Variants in PLAAT1 observed in about 807,000 individuals in gnomAD.
PLAAT1 encodes the protein H-REV107 protein-related protein.
Under a neutral mutation model 16.4 loss-of-function variants are expected in PLAAT1, and 13 were observed. The observed-to-expected ratio is 0.79, with a 90% CI of 0.52 to 1.26. The LOEUF is 1.26. PLAAT1 is among the 50% of genes most tolerant of loss of function. The pLI, the probability that PLAAT1 is intolerant of heterozygous loss-of-function variation, is 0.00. For synonymous variants in PLAAT1, 73 were observed against 78.4 expected (o/e 0.93, Z 0.36); for missense variants, 218 against 207.8 (o/e 1.05, Z -0.30).
At chr3:193,272,550 C>G (rs73888232), downstream of PLAAT1, among the ~76,000 whole-genome samples, 9,368 of 152,200 alleles carry the variant, frequency 0.062, 332 homozygotes, top group Middle Eastern at 0.12. Context: ...GTACCCTTTT[C>G]AGTAAAGGAT....
Position 193,241,254 on chromosome 3 carries a change from G to T in PLAAT1, c.-280G>T. On this transcript the variant is annotated 5_prime_UTR_variant, in exon 1 of 4. Coordinates refer to ENST00000264735, the MANE Select transcript of PLAAT1 (RefSeq NM_020386.5). ...CCTCGTGCCGGCTCGGCAGCGCCCG[G>T]ACGCCGAGCCCAGCGCGTCGGCCCC... 1 of 1,227,726 alleles carries T rather than the reference G, an allele frequency of 8.1e-7. No homozygotes were observed. 76.1% of individuals were successfully genotyped at this position (1,227,726 alleles called of 1,614,324 possible).
At chr3:193,258,971 A>G (rs1319114222) in intron 2 of PLAAT1, among the ~76,000 whole-genome samples, 3 of 152,196 alleles carry the variant, frequency 2.0e-5, no homozygotes. Context: ...TCAGGCCAGT[A>G]TTCCTGATGA....
chr3:193,240,682 T>TGTGTGTGTGTGTGTGTGG (rs1182255845), upstream of PLAAT1, among the ~76,000 whole-genome samples: 24 of 148,912 alleles, frequency 1.6e-4, no homozygotes, highest in Non-Finnish European at 2.8e-4. Context: ...TGTGTGTGTG[T>TGTGTGTGTGTGTGTGTGG]GTGGTTGGAG....
chr3:193,279,862 C>G (rs1014531923), downstream of PLAAT1, among the ~76,000 whole-genome samples: 9 of 151,468 alleles, frequency 5.9e-5, no homozygotes, highest in African/African-American at 1.9e-4. Flanking sequence ...TGGTCCCAAT[C>G]AGCCTTTCTA....
intron 2 of PLAAT1, among the ~76,000 whole-genome samples, chr3:193,259,147 C>T (rs1462555781): frequency 1.3e-5 from 2 of 152,122 alleles, no homozygotes. Flanking sequence ...AAACCAAAAA[C>T]CATATGATCA....
chr3:193,262,547 C>A (rs1260695226), intron 2 of PLAAT1, among the ~76,000 whole-genome samples: 2 of 151,896 alleles, frequency 1.3e-5, no homozygotes, highest in Non-Finnish European at 2.9e-5. Flanking sequence ...AACAGTGTAC[C>A]CTACAGTATT....
chr3:193,275,063 C>A, downstream of PLAAT1: 1 of 1,614,170 alleles, frequency 6.2e-7, no homozygotes, highest in Non-Finnish European at 8.5e-7. Flanking sequence ...CCCAGAAATG[C>A]TGTTCTGTGG....
intron 1 of PLAAT1, among the ~76,000 whole-genome samples, chr3:193,245,903 A>G (rs1054664139): frequency 1.2e-4 from 18 of 152,204 alleles, no homozygotes; most frequent in African/African-American, 4.3e-4. Context: ...ATTGAGTTGT[A>G]TGGATTCCTT....
chr3:193,275,142 A>C (rs755279570), downstream of PLAAT1: 1 of 1,614,150 alleles, frequency 6.2e-7, no homozygotes, highest in Non-Finnish European at 8.5e-7. Context: ...GTTGATGTAG[A>C]ATCCATTTTT....
At chr3:193,279,976 T>TA (rs57617984), downstream of PLAAT1, among the ~76,000 whole-genome samples, 4,647 of 59,858 alleles carry the variant, frequency 0.078, 1,005 homozygotes, top group African/African-American at 0.089. Context: ...GTGTCTTTGT[T>TA]AAAAAAAAAA....
At chr3:193,264,561 T>C (rs1378427963) in intron 3 of PLAAT1, among the ~76,000 whole-genome samples, 2 of 152,010 alleles carry the variant, frequency 1.3e-5, no homozygotes, top group Non-Finnish European at 2.9e-5. Context: ...TGGAGTGCAG[T>C]GGCACGATCT....
intron 1 of PLAAT1, among the ~76,000 whole-genome samples, chr3:193,248,215 A>G (rs1716053560): frequency 6.6e-6 from 1 of 152,156 alleles, no homozygotes; most frequent in Non-Finnish European, 1.5e-5. Context: ...ATAGAAGTAT[A>G]GCTACTCCCA....
chr3:193,248,597 G>T (rs1001510764), intron 1 of PLAAT1, among the ~76,000 whole-genome samples: 2 of 151,732 alleles, frequency 1.3e-5, no homozygotes, highest in African/African-American at 4.8e-5. Flanking sequence ...TTTTTCCTTT[G>T]TGGTTACTAG....
chr3:193,253,489 G>A (rs1716266803), intron 1 of PLAAT1, among the ~76,000 whole-genome samples: 1 of 152,098 alleles, frequency 6.6e-6, no homozygotes, highest in Admixed American at 6.6e-5. Context: ...AATTCACAGG[G>A]CATTTGCAAC....
In PLAAT1 at chr3:193,241,324, G is replaced by A; in HGVS notation, c.-210G>A. The A allele has an allele frequency of 8.1e-7, 1 of 1,231,316 alleles. No individual in the cohort carries two copies. 76.3% of individuals were successfully genotyped at this position (1,231,316 alleles called of 1,614,324 possible). A position where few individuals can be genotyped will look rare whatever the true frequency, so the allele number is the denominator to read the frequency against. On this transcript the variant is annotated 5_prime_UTR_variant, in exon 1 of 4. Coordinates refer to ENST00000264735, the MANE Select transcript of PLAAT1 (RefSeq NM_020386.5). ...GAGCCGCGGAGGGGCCGCCGGGACC[G>A]TTTCAGCGTGGCGGCGCTGGTGCTG...
At chr3:193,280,769 A>C (rs900212485), downstream of PLAAT1, among the ~76,000 whole-genome samples, 3 of 152,250 alleles carry the variant, frequency 2.0e-5, no homozygotes, top group Admixed American at 2.0e-4. Context: ...AACAGCATTT[A>C]ATCAGCATTG....
chr3:193,263,667 T>C (rs976537788), intron 3 of PLAAT1, among the ~76,000 whole-genome samples: 7 of 152,242 alleles, frequency 4.6e-5, no homozygotes, highest in Admixed American at 4.6e-4. Context: ...GGCTAACTAA[T>C]GACATATCTT....
At chr3:193,261,498 T>C (rs1192741445) in intron 2 of PLAAT1, among the ~76,000 whole-genome samples, 2 of 152,176 alleles carry the variant, frequency 1.3e-5, no homozygotes, top group Admixed American at 1.3e-4. Context: ...AATGAAGTGG[T>C]TTTTTGCAAC....
intron 2 of PLAAT1, among the ~76,000 whole-genome samples, chr3:193,256,371 A>G (rs1253132093): frequency 6.6e-6 from 1 of 152,166 alleles, no homozygotes; most frequent in Admixed American, 6.5e-5. Flanking sequence ...ATTTCTTAAG[A>G]AAGTGACATT....
Sources: allele counts gnomAD v4.1 joint callset (sites outside exome capture counted in the v4.1 genomes callset), GRCh38; gene constraint gnomAD v4.1.1; transcripts MANE v1.5; gene names NCBI Gene and HGNC (gene_info 2026-07-23, HGNC 2026-07-21).